LHCGR: variants seen among roughly 807,000 people sequenced by gnomAD.
The protein encoded by LHCGR is lutropin-choriogonadotropic hormone receptor.
Under a neutral mutation model 60.7 loss-of-function variants are expected in LHCGR, and 55 were observed. The ratio of observed to expected loss-of-function variants is 0.91; its 90% confidence interval spans 0.73 to 1.13. The LOEUF (loss-of-function observed/expected upper bound fraction) is 1.13. LHCGR is among the 50% of genes most tolerant of loss of function. LHCGR has a pLI of 0.00. For missense variants in LHCGR, 862 were observed against 836.0 expected (o/e 1.03, Z -0.38); for synonymous variants, 337 against 316.5 (o/e 1.06, Z -0.69).
chr2:48,752,544 T>A (rs1572901189), intron 1 of LHCGR, among the ~76,000 whole-genome samples: 1 of 139,470 alleles, frequency 7.2e-6, no homozygotes, highest in East Asian at 2.1e-4. Context: ...TTTTTTTTTT[T>A]ATGAACTGAT....
chr2:48,706,737 G>A (rs35278327), intron 8 of LHCGR, among the ~76,000 whole-genome samples: 89,867 of 152,044 alleles, frequency 0.59, 27,463 homozygotes, highest in South Asian at 0.8. Flanking sequence ...TTTCAGCTCC[G>A]TCACGTCATT....
chr2:48,724,684 TGG>T (rs2104453846), intron 4 of LHCGR, among the ~76,000 whole-genome samples: 1 of 152,346 alleles, frequency 6.6e-6, no homozygotes, highest in African/African-American at 2.4e-5. Flanking sequence ...AATTTGGTTC[TGG>T]GAGTTTCTTA....
chr2:48,687,489 A>C lies in LHCGR; in HGVS notation c.*208T>G, dbSNP rs967356477. 1.2e-5 allele frequency: 6 copies of C among 485,532 alleles called. No individual in the cohort carries two copies. The highest frequency in any genetic ancestry group is 1.2e-4 in the African/African-American group (6 of 51,826). The allele number at this position is 485,532 out of a possible 1,614,324, so 30.1% of individuals were successfully genotyped here. A position where few individuals can be genotyped will look rare whatever the true frequency, so the allele number is the denominator to read the frequency against. On this transcript the variant is annotated 3_prime_UTR_variant, in exon 11 of 11. Transcript: ENST00000294954. ...AAAATTTCTAAACACTCTCAACTTC[A>C]GTATTTATGCCATGTAACAATGACA... is the stretch of plus-strand genomic sequence containing the variant.
intron 1 of LHCGR, among the ~76,000 whole-genome samples, chr2:48,745,826 C>A (rs1363605055): frequency 6.6e-6 from 1 of 150,684 alleles, no homozygotes; most frequent in African/African-American, 2.4e-5. Context: ...TGCACATGTA[C>A]CCTAAAACTT....
intron 10 of LHCGR, among the ~76,000 whole-genome samples, chr2:48,689,365 C>A (rs1680092334): frequency 6.6e-6 from 1 of 152,116 alleles, no homozygotes; most frequent in African/African-American, 2.4e-5. Context: ...TAGTTGCCAA[C>A]CAAACTGCTA....
intron 6 of LHCGR, chr2:48,720,187 T>C (rs1475766535): frequency 6.6e-6 from 1 of 152,230 alleles, no homozygotes; most frequent in Admixed American, 6.5e-5. Flanking sequence ...TGAAGCTCTC[T>C]GTGCACATAC....
chr2:48,694,259 A>G lies in LHCGR; in HGVS notation c.912T>C (p.Cys304=). The G allele has an allele frequency of 6.3e-7, 1 of 1,599,564 alleles. No individual in the cohort carries two copies. Among genetic ancestry groups the G allele is most frequent in the East Asian group, 2.2e-5 (1 of 44,724 alleles). ...TATTCACTTTCCTTACTGTGCTTTC[A>G]CATTGTTTGGAAAAGTTTTCAGAAA... is the stretch of plus-strand genomic sequence containing the variant. ...HSISENFSKQ[C]ESTVRKVNNK... is the part of the protein sequence containing the mutation. The change falls in exon 10 of 11, where the codon TGT becomes TGC. Residue 304 remains cysteine, a synonymous_variant. Transcript: ENST00000294954.
At chr2:48,751,736 A>C (rs918358052) in intron 1 of LHCGR, among the ~76,000 whole-genome samples, 1 of 152,270 alleles carries the variant, frequency 6.6e-6, no homozygotes, top group Non-Finnish European at 1.5e-5. Flanking sequence ...AGGTTGGTGC[A>C]AAAGTAATCA....
intron 8 of LHCGR, among the ~76,000 whole-genome samples, chr2:48,703,931 A>G (rs1309263555): frequency 6.6e-6 from 1 of 152,170 alleles, no homozygotes; most frequent in Non-Finnish European, 1.5e-5. Flanking sequence ...TATGTTGAAT[A>G]GGAGTGGTGA....
intron 1 of LHCGR, among the ~76,000 whole-genome samples, chr2:48,743,248 G>A (rs1208434244): frequency 3.3e-5 from 5 of 151,608 alleles, no homozygotes; most frequent in Admixed American, 2.0e-4. Context: ...ATTCACAGCC[G>A]AATTCTACCA....
intron 3 of LHCGR, among the ~76,000 whole-genome samples, chr2:48,727,498 T>C (rs772562655): frequency 1.3e-5 from 2 of 152,224 alleles, no homozygotes; most frequent in Non-Finnish European, 2.9e-5. Context: ...TTTCTTTCTG[T>C]TGATGAATGT....
intron 7 of LHCGR, among the ~76,000 whole-genome samples, chr2:48,712,617 T>C (rs1668049923): frequency 6.6e-6 from 1 of 152,050 alleles, no homozygotes; most frequent in Non-Finnish European, 1.5e-5. Context: ...CTTGAACACT[T>C]AGTATGTGCA....
At chr2:48,704,179 G>A (rs762888346) in intron 8 of LHCGR, among the ~76,000 whole-genome samples, 7 of 152,194 alleles carry the variant, frequency 4.6e-5, no homozygotes, top group Non-Finnish European at 7.3e-5. Flanking sequence ...CTGTTTATGT[G>A]ATGGATTACA....
intron 1 of LHCGR, among the ~76,000 whole-genome samples, chr2:48,754,595 A>ACCCC (rs1188141991): frequency 1.3e-5 from 2 of 148,312 alleles, no homozygotes; most frequent in South Asian, 2.1e-4. Flanking sequence ...AAATTTCACC[A>ACCCC]CCCCCCCGCC....
chr2:48,723,118 CT>C (rs1668574889), intron 6 of LHCGR, among the ~76,000 whole-genome samples: 2 of 152,194 alleles, frequency 1.3e-5, no homozygotes, highest in Non-Finnish European at 2.9e-5. Context: ...TTTCTATGCT[CT>C]TTTTAAGCCA....
At chr2:48,746,881 GC>G (rs1329853752) in intron 1 of LHCGR, among the ~76,000 whole-genome samples, 1 of 152,190 alleles carries the variant, frequency 6.6e-6, no homozygotes, top group Non-Finnish European at 1.5e-5. Context: ...GGGAATGTCT[GC>G]CTCACCTGTA....
In LHCGR at chr2:48,755,524, C is replaced by G. The variant is rs372057341; in HGVS notation, c.148G>C (p.Gly50Arg). The G allele has an allele frequency of 6.5e-7, 1 of 1,541,130 alleles. No individual in the cohort carries two copies. The highest frequency in any genetic ancestry group is 2.0e-5 in the Admixed American group (1 of 50,634). ...CTGTGTACTCACAGTCGAGTGAGACCGGCCGTGGGGCCGGGGCAGCGCAGG... is the reference window on the plus strand; with the variant it reads ...CTGTGTACTCACAGTCGAGTGAGACGGGCCGTGGGGCCGGGGCAGCGCAGG... ...GALRCPGPTA[G>R]LTRLSLAYLP... is the part of the protein sequence containing the mutation. Residue 50 changes from glycine (G) to arginine (R), a missense_variant, in exon 1 of 11, where the codon GGT becomes CGT. By Grantham distance (125) the Gly-to-Arg change is moderately radical (BLOSUM62 -2). Transcript: ENST00000294954.
intron 1 of LHCGR, 40 bp from the exon 2 acceptor site, chr2:48,731,338 T>C (rs1392909863): frequency 4.2e-6 from 6 of 1,414,246 alleles, no homozygotes; most frequent in African/African-American, 2.8e-5. Flanking sequence ...TTAAGATTTA[T>C]GATAGGGTGC....
At chr2:48,740,828 CA>C (rs1288469104) in intron 1 of LHCGR, among the ~76,000 whole-genome samples, 1 of 152,236 alleles carries the variant, frequency 6.6e-6, no homozygotes, top group Non-Finnish European at 1.5e-5. Context: ...AGCAACGGAA[CA>C]AAGCTGACAG....
Sources: gnomAD v4.1 joint callset for allele counts (sites outside exome capture counted in the v4.1 genomes callset) on GRCh38, gnomAD v4.1.1 for gene constraint, MANE v1.5 for transcripts, NCBI Gene and HGNC (gene_info 2026-07-23, HGNC 2026-07-21) for gene names.